HRH4: variants seen among roughly 807,000 people sequenced by gnomAD.
The protein encoded by HRH4 is histamine H4 receptor.
Under a neutral mutation model 10.4 loss-of-function variants are expected in HRH4, and 12 were observed. The observed-to-expected ratio is 1.15, with a 90% CI of 0.74 to 1.87. The LOEUF (loss-of-function observed/expected upper bound fraction) is 1.87. Among genes scored for constraint, HRH4 ranks in the 40% most tolerant of loss-of-function variants. HRH4 has a pLI of 0.00. For synonymous variants in HRH4, 154 were observed against 166.6 expected (o/e 0.92, Z 0.58); for missense variants, 415 against 453.3 (o/e 0.92, Z 0.77).
At chr18:24,463,489 C>A (rs1490001398) in intron 1 of HRH4, among the ~76,000 whole-genome samples, 1 of 152,152 alleles carries the variant, frequency 6.6e-6, no homozygotes, top group African/African-American at 2.4e-5. Context: ...GGGAAATGAA[C>A]CTTTTGTCTC....
chr18:24,475,355 G>T (rs1045754504), intron 2 of HRH4, among the ~76,000 whole-genome samples: 1 of 142,192 alleles, frequency 7.0e-6, no homozygotes, highest in African/African-American at 2.5e-5. Flanking sequence ...GGGCTGGGTG[G>T]GCTCAAGTTT....
In HRH4 at chr18:24,472,893, G is replaced by T. The variant is rs145373266; in HGVS notation, c.358-3854G>T. Among the ~76,000 whole-genome samples, 300 of 152,288 alleles carry T rather than the reference G, an allele frequency of 2.0e-3. 1 individual carries two copies. Among genetic ancestry groups the T allele is most frequent in the Middle Eastern group, 6.8e-3 (2 of 294 alleles). ...AAAAGGGTTTGGCGCGGTGGCTCAT[G>T]CCTGTAATCCCAGGGCTTTGGAAGG... is the stretch of plus-strand genomic sequence containing the variant. On this transcript the variant is annotated intron_variant, in intron 2 of 2. Coordinates refer to ENST00000256906, the MANE Select transcript of HRH4 (RefSeq NM_021624.4).
chr18:24,469,787 G>T (rs369037730), intron 2 of HRH4, among the ~76,000 whole-genome samples: 13 of 152,212 alleles, frequency 8.5e-5, no homozygotes, highest in African/African-American at 2.4e-4. Flanking sequence ...GCCTCAGGGG[G>T]TATGTGTGCA....
At position 24,477,749 on chromosome 18, in the gene HRH4, G is replaced by GTT; in HGVS notation, c.*188_*189insTT. The GTT allele has an allele frequency of 2.1e-6, 1 of 480,814 alleles. No homozygotes were observed. Among genetic ancestry groups the GTT allele is most frequent in the Non-Finnish European group, 3.7e-6 (1 of 273,090 alleles). 29.8% of individuals were successfully genotyped at this position (480,814 alleles called of 1,614,324 possible). A position where few individuals can be genotyped will look rare whatever the true frequency, so the allele number is the denominator to read the frequency against. On this transcript the variant is annotated 3_prime_UTR_variant, in exon 3 of 3. Transcript: ENST00000256906. The stretch of plus-strand genomic sequence containing the variant: ...TTTTTGTAAACTTGTAGTCATAATA[G>GTT]TACTATATTCTTCTTAGTCCTCACC...
At chr18:24,462,724 A>G (rs1439187663) in intron 1 of HRH4, among the ~76,000 whole-genome samples, 2 of 152,222 alleles carry the variant, frequency 1.3e-5, no homozygotes, top group Admixed American at 1.3e-4. Flanking sequence ...TGACACATAA[A>G]GGCAGCTAAC....
At chr18:24,466,352 A>G (rs1212849795) in intron 1 of HRH4, among the ~76,000 whole-genome samples, 2 of 144,680 alleles carry the variant, frequency 1.4e-5, no homozygotes, top group Non-Finnish European at 3.0e-5. Context: ...CCAACTCCTG[A>G]GCTCAAGTGA....
In HRH4 at chr18:24,467,202, C is replaced by T. The variant is rs113198073; in HGVS notation, c.194-1586C>T. Among the ~76,000 whole-genome samples, 65 of 152,318 alleles carry T rather than the reference C, an allele frequency of 4.3e-4. 1 individual carries two copies. The highest frequency in any genetic ancestry group is 1.5e-3 in the African/African-American group (63 of 41,566). The stretch of plus-strand genomic sequence containing the variant: ...GAGGTGACATTTGCAATGCACACAG[C>T]ACAGGGTCTGCCATATGGTAATTGT... On this transcript the variant is annotated intron_variant, in intron 1 of 2. Coordinates refer to ENST00000256906, the MANE Select transcript of HRH4 (RefSeq NM_021624.4).
At position 24,477,747 on chromosome 18, in the gene HRH4, T is replaced by C. The variant is rs555354712; in HGVS notation, c.*185T>C. 7 of 484,068 alleles carry C rather than the reference T, an allele frequency of 1.4e-5. No homozygotes were observed. In the Admixed American group the frequency reaches 2.2e-4, roughly 15 times the overall value. 30.0% of individuals were successfully genotyped at this position (484,068 alleles called of 1,614,324 possible). A position where few individuals can be genotyped will look rare whatever the true frequency, so the allele number is the denominator to read the frequency against. On this transcript the variant is annotated 3_prime_UTR_variant, in exon 3 of 3. Coordinates refer to ENST00000256906, the MANE Select transcript of HRH4 (RefSeq NM_021624.4). ...TATTTTTGTAAACTTGTAGTCATAA[T>C]AGTACTATATTCTTCTTAGTCCTCA... is the stretch of plus-strand genomic sequence containing the variant.
rs1382508706 is a variant in HRH4 at position 24,460,662 on chromosome 18, A to G, written c.-67A>G. 1 of 1,065,738 alleles carries G rather than the reference A, an allele frequency of 9.4e-7. No homozygotes were observed. Among genetic ancestry groups the G allele is most frequent in the African/African-American group, 1.6e-5 (1 of 63,586 alleles). The allele number at this position is 1,065,738 out of a possible 1,614,324, so 66.0% of individuals were successfully genotyped here. ...ACACATTTTAGGTATGTGATTAGAA[A>G]ACATACTTGTCAGAATTGTCTGGCT... On this transcript the variant is annotated 5_prime_UTR_variant, in exon 1 of 3. Coordinates refer to ENST00000256906, the MANE Select transcript of HRH4 (RefSeq NM_021624.4).
chr18:24,467,812 G>A (rs547706402), intron 1 of HRH4, among the ~76,000 whole-genome samples: 3 of 152,294 alleles, frequency 2.0e-5, no homozygotes, highest in East Asian at 1.9e-4. Context: ...CCAGAGGGCT[G>A]GGATTACAGG....
chr18:24,477,550 A>G lies in HRH4; in HGVS notation c.1161A>G (p.Ser387=). 6.4e-7 allele frequency: 1 copy of G among 1,566,226 alleles called. No homozygotes were observed. Among genetic ancestry groups the G allele is most frequent in the East Asian group, 2.3e-5 (1 of 44,430 alleles). Residue 387 remains serine (S), a synonymous_variant, in exon 3 of 3, where the codon TCA becomes TCG. Coordinates refer to ENST00000256906, the MANE Select transcript of HRH4 (RefSeq NM_021624.4). ...KQPLPSQHSR[S]VSS ...CTCTACCATCACAACACAGTCGGTC[A>G]GTATCTTCTTAAAGACAATTTTCTC...
chr18:24,467,724 A>C (rs60663504), intron 1 of HRH4, among the ~76,000 whole-genome samples: 14,036 of 151,968 alleles, frequency 0.092, 1,173 homozygotes, highest in African/African-American at 0.23. Context: ...TTGTATTTTT[A>C]GTAGAGATGA....
intron 2 of HRH4, among the ~76,000 whole-genome samples, chr18:24,473,048 G>C (rs9954317): frequency 6.6e-6 from 1 of 151,996 alleles, no homozygotes; most frequent in African/African-American, 2.4e-5. Context: ...CCAGCTACTC[G>C]GGAGACTGAG....
At chr18:24,464,455 G>A (rs1426671333) in intron 1 of HRH4, among the ~76,000 whole-genome samples, 1 of 152,080 alleles carries the variant, frequency 6.6e-6, no homozygotes, top group African/African-American at 2.4e-5. Flanking sequence ...ATAGCCACAT[G>A]GGGGGTTAGA....
At chr18:24,465,807 C>G (rs1909757707) in intron 1 of HRH4, among the ~76,000 whole-genome samples, 1 of 152,156 alleles carries the variant, frequency 6.6e-6, no homozygotes, top group African/African-American at 2.4e-5. Flanking sequence ...TTCAGCTAAC[C>G]ACTGTTTCCA....
At position 24,477,409 on chromosome 18, in the gene HRH4, T is replaced by C. The variant is rs915898739; in HGVS notation, c.1020T>C (p.Tyr340=). 5.0e-6 allele frequency: 8 copies of C among 1,614,100 alleles called. No individual in the cohort carries two copies. The African/African-American group carries it at 8.0e-5, about 16-fold the overall frequency. ...CAACAGGTCCTAAATCAGTTTGGTA[T>C]AGAATTGCATTTTGGCTTCAGTGGT... ...SSATGPKSVW[Y]RIAFWLQWFN... is the part of the protein sequence containing the mutation. The change falls in exon 3 of 3, where the codon TAT becomes TAC. Residue 340 remains tyrosine (Y), a synonymous_variant. Coordinates refer to ENST00000256906, the MANE Select transcript of HRH4 (RefSeq NM_021624.4).
intron 1 of HRH4, among the ~76,000 whole-genome samples, chr18:24,464,054 G>C (rs556982963): frequency 6.6e-6 from 1 of 152,274 alleles, no homozygotes; most frequent in South Asian, 2.1e-4. Flanking sequence ...CCTGAACCAA[G>C]TGTTCAGGAT....
chr18:24,463,878 A>C (rs1294398210), intron 1 of HRH4, among the ~76,000 whole-genome samples: 2 of 152,210 alleles, frequency 1.3e-5, no homozygotes, highest in Non-Finnish European at 2.9e-5. Context: ...CATACTATCT[A>C]TATCTACATC....
In HRH4 at chr18:24,475,735, C is replaced by T. The variant is rs144136623; in HGVS notation, c.358-1012C>T. Among the ~76,000 whole-genome samples, 1,023 of 152,250 alleles carry T rather than the reference C, an allele frequency of 6.7e-3. 12 individuals are homozygous for T. The highest frequency in any genetic ancestry group is 0.023 in the African/African-American group (944 of 41,530). ...TTAAAAATCCTTTTTGGGCCAGGTG[C>T]GGTAGCTCACATGTGTAATCCAAGC... is the stretch of plus-strand genomic sequence containing the variant. On this transcript the variant is annotated intron_variant, in intron 2 of 2. Coordinates refer to ENST00000256906, the MANE Select transcript of HRH4 (RefSeq NM_021624.4).
Sources: allele counts gnomAD v4.1 joint callset (sites outside exome capture counted in the v4.1 genomes callset), GRCh38; gene constraint gnomAD v4.1.1; transcripts MANE v1.5; gene names NCBI Gene and HGNC (gene_info 2026-07-23, HGNC 2026-07-21).